IQGAP1: variants seen among roughly 807,000 people sequenced by gnomAD.
The protein encoded by IQGAP1 is IQ motif containing GTPase activating protein 1.
A neutral mutation model predicts 215.6 loss-of-function variants in IQGAP1; 66 were observed. The ratio of observed to expected loss-of-function variants is 0.31; its 90% confidence interval spans 0.25 to 0.38. The LOEUF is 0.38. Ranked by LOEUF, IQGAP1 falls within the 10% of genes least tolerant of loss-of-function variation. The pLI, the probability that IQGAP1 is intolerant of heterozygous loss-of-function variation, is 1.00. For synonymous variants in IQGAP1, 772 were observed against 728.7 expected, an observed-to-expected ratio of 1.06 and a Z score of -0.96; for missense variants, 1,712 against 1,997.1, an observed-to-expected ratio of 0.86 and a Z score of 2.72.
chr15:90,477,970 A>G (rs1966003963), intron 26 of IQGAP1, 81 bp downstream of exon 26: 1 of 879,896 alleles, frequency 1.1e-6, no homozygotes, highest in East Asian at 2.6e-5. Context: ...TTTATAAACT[A>G]ATATTAGTTC....
rs1965380357 is a variant in IQGAP1 at position 90,437,070 on chromosome 15, A to G, written c.468-2262A>G. 3.7e-5 allele frequency among the ~76,000 whole-genome samples: 5 copies of G among 134,220 alleles called. 1 individual carries two copies. The South Asian group carries it at 1.1e-3, about 30-fold the overall frequency. 88.1% of individuals were successfully genotyped at this position (134,220 alleles called of 152,430 possible). A position where few individuals can be genotyped will look rare whatever the true frequency, so the allele number is the denominator to read the frequency against. ...GGCTTAAGGTTCCACAGCCTGTACA[A>G]GAAGCATGGCTGGGGAGACCTCCTC... is the stretch of plus-strand genomic sequence containing the variant. On this transcript the variant is annotated intron_variant, in intron 5 of 37. Transcript: ENST00000268182.
chr15:90,411,191 C>G (rs941150647), intron 2 of IQGAP1, among the ~76,000 whole-genome samples: 1 of 152,204 alleles, frequency 6.6e-6, no homozygotes, highest in Admixed American at 6.5e-5. Context: ...GTTCCTCTCT[C>G]ATGTATCTTT....
intron 1 of IQGAP1, among the ~76,000 whole-genome samples, chr15:90,390,293 C>T (rs113642408): frequency 0.065 from 9,890 of 152,290 alleles, 361 homozygotes; most frequent in African/African-American, 0.11. Context: ...GGGCTGAGTT[C>T]ACCCAGCCTC....
At chr15:90,436,381 T>C (rs1965371526) in intron 5 of IQGAP1, among the ~76,000 whole-genome samples, 1 of 152,170 alleles carries the variant, frequency 6.6e-6, no homozygotes, top group Admixed American at 6.5e-5. Context: ...AATTCAATAT[T>C]CAGACATATC....
In IQGAP1 at chr15:90,439,329, T is replaced by G; in HGVS notation, c.468-3T>G. The G allele has an allele frequency of 6.2e-7, 1 of 1,612,362 alleles. No homozygotes were observed. On this transcript the variant is annotated splice_region_variant and splice_polypyrimidine_tract_variant and intron_variant, in intron 5 of 37. Transcript: ENST00000268182. ...CTAACCTTTTGCATATTGTATCTTCTAGTTTGTACCTGTTCAAGCTAGGCC... is the reference window on the plus strand; with the variant it reads ...CTAACCTTTTGCATATTGTATCTTCGAGTTTGTACCTGTTCAAGCTAGGCC...
intron 18 of IQGAP1, among the ~76,000 whole-genome samples, chr15:90,471,463 A>G (rs1425896153): frequency 2.0e-5 from 2 of 99,490 alleles, no homozygotes; most frequent in East Asian, 2.2e-4. Context: ...CCATACTACT[A>G]CTGCTCACAG....
chr15:90,474,567 G>C lies in IQGAP1; in HGVS notation c.2658G>C (p.Glu886Asp). The C allele has an allele frequency of 6.2e-7, 1 of 1,614,176 alleles. No individual in the cohort carries two copies. Among genetic ancestry groups the C allele is most frequent in the Non-Finnish European group, 8.5e-7 (1 of 1,179,998 alleles). ...AAAGTGACCAGGATTTTCAGGAGGA[G>C]CTTGACCTTATGAAGATGCGGGAAG... Reference protein sequence around the residue: ...LDQSDQDFQEELDLMKMREEV... With the variant: ...LDQSDQDFQEDLDLMKMREEV... Residue 886 changes from glutamate (E) to aspartate (D), a missense_variant, in exon 23 of 38, where the codon GAG becomes GAC. By Grantham distance (45) the Glu-to-Asp change is conservative. Coordinates refer to ENST00000268182, the MANE Select transcript of IQGAP1 (RefSeq NM_003870.4).
At chr15:90,429,861 T>C (rs1965278085) in intron 4 of IQGAP1, 195 bp downstream of exon 4, 3 of 396,854 alleles carry the variant, frequency 7.6e-6, no homozygotes, top group African/African-American at 6.2e-5. Flanking sequence ...ACCTGTTTCA[T>C]CTTACCCTAG....
intron 6 of IQGAP1, 25 bp from the exon 7 acceptor site, chr15:90,440,477 A>G: frequency 6.7e-7 from 1 of 1,482,676 alleles, no homozygotes; most frequent in Non-Finnish European, 9.2e-7. Flanking sequence ...AGCTTGATTG[A>G]CTGATTATTA....
At chr15:90,440,477 A>C in intron 6 of IQGAP1, 25 bp from the exon 7 acceptor site, 1 of 1,482,676 alleles carries the variant, frequency 6.7e-7, no homozygotes, top group Non-Finnish European at 9.2e-7. Flanking sequence ...AGCTTGATTG[A>C]CTGATTATTA....
chr15:90,499,617 T>C (rs970122839), intron 37 of IQGAP1, among the ~76,000 whole-genome samples: 5 of 152,234 alleles, frequency 3.3e-5, no homozygotes, highest in Non-Finnish European at 5.9e-5. Context: ...TTAAAACTAG[T>C]GACCCATAAC....
Position 90,491,527 on chromosome 15 carries a change from G to A in IQGAP1, c.4443G>A (p.Leu1481=), listed in dbSNP as rs199804766. 5 of 1,614,032 alleles carry A rather than the reference G, an allele frequency of 3.1e-6. No homozygotes were observed. The African/African-American group carries it at 5.3e-5, about 17-fold the overall frequency. The part of the protein sequence containing the change: ...TVDPKNKYQE[L]INDIARDIRN... ...ACCCAAAGAACAAATACCAGGAACT[G>A]ATCAACGACATTGCCAGGGTACTGC... Residue 1481 remains leucine (L), a synonymous_variant, in exon 34 of 38, where the codon CTG becomes CTA. Coordinates refer to ENST00000268182, the MANE Select transcript of IQGAP1 (RefSeq NM_003870.4).
intron 31 of IQGAP1, chr15:90,486,608 G>A: frequency 9.0e-6 from 2 of 221,162 alleles, no homozygotes; most frequent in South Asian, 6.9e-5. Flanking sequence ...TGCCCAGGCT[G>A]GTCTCGAACT....
chr15:90,394,400 A>G (rs1964683871), intron 2 of IQGAP1, among the ~76,000 whole-genome samples: 1 of 152,180 alleles, frequency 6.6e-6, no homozygotes, highest in Non-Finnish European at 1.5e-5. Flanking sequence ...GAGAGGACAA[A>G]GGAAAGAAGC....
At position 90,390,832 on chromosome 15, in the gene IQGAP1, C is replaced by G. The variant is rs528066162; in HGVS notation, c.114C>G (p.Asn38Lys). ...AEEMDERRRQ[N>K]VAYEYLCHLE... ...AGATGGATGAAAGGAGACGTCAGAA[C>G]GTGGCTTATGAGTACCTTTGTCATT... The change falls in exon 2 of 38, where the codon AAC (asparagine) becomes AAG (lysine). Residue 38 changes from asparagine (N) to lysine (K), a missense_variant. This residue lies in a region of IQGAP1 where 1,021 missense variants were observed against 1,074.2 expected (regional missense o/e 0.95). Coordinates refer to ENST00000268182, the MANE Select transcript of IQGAP1 (RefSeq NM_003870.4). The G allele has an allele frequency of 8.1e-6, 13 of 1,612,918 alleles. No homozygotes were observed. In the South Asian group the frequency reaches 1.3e-4, roughly 16 times the overall value.
intron 2 of IQGAP1, among the ~76,000 whole-genome samples, chr15:90,398,624 G>A (rs983795495): frequency 1.3e-5 from 2 of 152,100 alleles, no homozygotes; most frequent in Non-Finnish European, 2.9e-5. Context: ...TCATAGCCCA[G>A]TCCACCTTAA....
At chr15:90,434,909 C>T (rs1227221877) in intron 5 of IQGAP1, among the ~76,000 whole-genome samples, 1 of 152,118 alleles carries the variant, frequency 6.6e-6, no homozygotes, top group East Asian at 1.9e-4. Flanking sequence ...GGCCACAGGA[C>T]TAAAGAAGAA....
At chr15:90,475,667 C>T (rs1253443513) in intron 23 of IQGAP1, 2 of 149,462 alleles carry the variant, frequency 1.3e-5, no homozygotes, top group Admixed American at 6.7e-5. Flanking sequence ...GTGGAAGAAT[C>T]GCTTGAACCT....
At chr15:90,433,867 T>G in intron 5 of IQGAP1, 72 bp downstream of exon 5, 1 of 886,882 alleles carries the variant, frequency 1.1e-6, no homozygotes, top group Admixed American at 2.5e-5. Context: ...TTTTTTATCC[T>G]TGAGGTAAGA....
Sources: allele counts gnomAD v4.1 joint callset (sites outside exome capture counted in the v4.1 genomes callset), GRCh38; gene constraint gnomAD v4.1.1; regional missense constraint gnomAD v4.1.1; transcripts MANE v1.5; gene names NCBI Gene and HGNC (gene_info 2026-07-23, HGNC 2026-07-21).